Variants in PDE1C observed in about 807,000 individuals in gnomAD.
PDE1C encodes the protein phosphodiesterase 1C, also known as dual specificity calcium/calmodulin-dependent 3',5'-cyclic nucleotide phosphodiesterase 1C.
A neutral mutation model predicts 93.1 loss-of-function variants in PDE1C; 62 were observed. The ratio of observed to expected loss-of-function variants is 0.67; its 90% confidence interval spans 0.54 to 0.82. The LOEUF is 0.82. Among genes scored for constraint, PDE1C ranks in the 40% least tolerant of loss-of-function variants. The pLI, the probability that PDE1C is intolerant of heterozygous loss-of-function variation, is 0.00. For missense variants in PDE1C, 742 were observed against 884.6 expected, an observed-to-expected ratio of 0.84 and a Z score of 2.04; for synonymous variants, 325 against 310.1, an observed-to-expected ratio of 1.05 and a Z score of -0.50.
intron 15 of PDE1C, among the ~76,000 whole-genome samples, chr7:31,810,748 C>T (rs1171291429): frequency 1.3e-5 from 2 of 152,056 alleles, no homozygotes; most frequent in South Asian, 2.1e-4. Flanking sequence ...GGCATAACTG[C>T]CAAGCCCTCA....
the PDE1C span, among the ~76,000 whole-genome samples, chr7:31,682,570 C>G: frequency 1.3e-5 from 2 of 152,136 alleles, no homozygotes; most frequent in Non-Finnish European, 2.9e-5. Flanking sequence ...TTGGCAGTTT[C>G]TTATAAAATT....
intron 16 of PDE1C, chr7:31,789,959 T>C: frequency 8.2e-7 from 1 of 1,218,276 alleles, no homozygotes; most frequent in Non-Finnish European, 1.0e-6. Flanking sequence ...AGGATGCCCC[T>C]TCATGTTTTG....
At position 31,872,508 on chromosome 7, in the gene PDE1C, C is replaced by A. The variant is rs565524487; in HGVS notation, c.609+784G>T. ...ATCACATGTACCCTATAAATATATA[C>A]AATATTTGTACCAATTAAAAAACAG... On this transcript the variant is annotated intron_variant, in intron 6 of 17. Transcript: ENST00000396191. Among the ~76,000 whole-genome samples the A allele has an allele frequency of 1.5e-4, 23 of 152,160 alleles. 1 individual carries two copies. In the South Asian group the frequency reaches 4.8e-3, roughly 32 times the overall value.
intron 1 of PDE1C, among the ~76,000 whole-genome samples, chr7:32,319,493 G>GC (rs956325090): frequency 6.6e-5 from 10 of 152,196 alleles, no homozygotes; most frequent in African/African-American, 2.4e-4. Context: ...TCTCCCCCAG[G>GC]CCCCTGGATT....
intron 2 of PDE1C, among the ~76,000 whole-genome samples, chr7:32,203,130 A>G (rs1805142219): frequency 6.6e-6 from 1 of 151,808 alleles, no homozygotes; most frequent in East Asian, 1.9e-4. Context: ...TCTGTCTCAA[A>G]CGTAGTACAT....
At chr7:32,176,611 G>C (rs4723126) in intron 2 of PDE1C, among the ~76,000 whole-genome samples, 32,417 of 151,968 alleles carry the variant, frequency 0.21, 4,277 homozygotes, top group Admixed American at 0.34. Context: ...AATTATAATG[G>C]AAAATAATGA....
the PDE1C span, chr7:31,658,298 CCTTTT>C: frequency 6.7e-7 from 1 of 1,494,478 alleles, no homozygotes; most frequent in Non-Finnish European, 8.8e-7. Context: ...GAGCTGGATC[CCTTTT>C]TTTTTTCTTC....
chr7:31,961,695 G>A (rs1809005323), intron 2 of PDE1C, among the ~76,000 whole-genome samples: 1 of 152,056 alleles, frequency 6.6e-6, no homozygotes, highest in Admixed American at 6.6e-5. Flanking sequence ...ACACTTAGAT[G>A]TCTACAAACA....
chr7:32,394,293 G>A (rs1238363566), intron 1 of PDE1C, among the ~76,000 whole-genome samples: 2 of 152,202 alleles, frequency 1.3e-5, no homozygotes. Context: ...TGAAGCAAAG[G>A]TGTAACAGGG....
rs775074520 is a variant in PDE1C, at chr7:32,070,406, G to C, written c.-13C>G. 2.5e-6 allele frequency: 4 copies of C among 1,614,028 alleles called. No homozygotes were observed. The South Asian group carries it at 4.4e-5, about 18-fold the overall frequency. On this transcript the variant is annotated 5_prime_UTR_variant, in exon 1 of 18. Transcript: ENST00000396191. ...TTGGCGACTCCATAGCTGCAGGTAGGTGACCACTGGCGGTGAAGCTGAGAT... is the reference window on the plus strand; with the variant it reads ...TTGGCGACTCCATAGCTGCAGGTAGCTGACCACTGGCGGTGAAGCTGAGAT...
At chr7:32,070,422 A>AAGCTG, upstream of PDE1C, 1 of 1,613,564 alleles carries the variant, frequency 6.2e-7, no homozygotes, top group African/African-American at 1.3e-5. Context: ...ACTGGCGGTG[A>AAGCTG]AGCTGAGATA....
chr7:32,403,547 C>G (rs768511938), intron 1 of PDE1C, among the ~76,000 whole-genome samples: 1 of 152,170 alleles, frequency 6.6e-6, no homozygotes, highest in African/African-American at 2.4e-5. Flanking sequence ...TCACTCATCA[C>G]TTTAATCTTT....
At chr7:31,659,279 CT>C in the PDE1C span, among the ~76,000 whole-genome samples, 1 of 152,140 alleles carries the variant, frequency 6.6e-6, no homozygotes, top group African/African-American at 2.4e-5. Flanking sequence ...AAATAATTTA[CT>C]TATATTTTGT....
intron 1 of PDE1C, among the ~76,000 whole-genome samples, chr7:32,052,007 TG>T (rs1282355094): frequency 6.6e-6 from 1 of 152,194 alleles, no homozygotes; most frequent in Non-Finnish European, 1.5e-5. Flanking sequence ...ATGGGTTAAA[TG>T]GTGAATAATG....
the PDE1C span, among the ~76,000 whole-genome samples, chr7:31,628,090 A>T: frequency 6.6e-6 from 1 of 152,344 alleles, no homozygotes; most frequent in East Asian, 1.9e-4. Context: ...AGCCTGTGAA[A>T]GTTGGAGCCT....
At chr7:31,622,079 A>G in the PDE1C span, among the ~76,000 whole-genome samples, 1 of 140,788 alleles carries the variant, frequency 7.1e-6, no homozygotes, top group East Asian at 2.1e-4. Flanking sequence ...TATGCACCCA[A>G]TACAGGAGCA....
intron 2 of PDE1C, among the ~76,000 whole-genome samples, chr7:31,937,016 A>G (rs1048206393): frequency 6.6e-6 from 1 of 152,184 alleles, no homozygotes; most frequent in Non-Finnish European, 1.5e-5. Context: ...GGGTGCTTCC[A>G]GGTCATAGGT....
intron 1 of PDE1C, among the ~76,000 whole-genome samples, chr7:32,414,073 C>T (rs1253117708): frequency 6.6e-6 from 1 of 151,364 alleles, no homozygotes; most frequent in African/African-American, 2.4e-5. Flanking sequence ...ATTAGCCAGG[C>T]GTGGTGGTGT....
chr7:31,914,882 G>A (rs975077981), intron 2 of PDE1C, among the ~76,000 whole-genome samples: 1 of 152,136 alleles, frequency 6.6e-6, no homozygotes, highest in Admixed American at 6.6e-5. Context: ...GGTATGCTCA[G>A]GAATGAATCC....
Sources: gnomAD v4.1 joint callset for allele counts (sites outside exome capture counted in the v4.1 genomes callset) on GRCh38, gnomAD v4.1.1 for gene constraint, MANE v1.5 for transcripts, NCBI Gene and HGNC (gene_info 2026-07-23, HGNC 2026-07-21) for gene names.